The following LRPPRC variants were observed in gnomAD, a reference collection of about 807,000 sequenced individuals.
The protein encoded by LRPPRC is leucine rich pentatricopeptide repeat containing, also known as leucine-rich PPR motif-containing protein, mitochondrial.
In LRPPRC, 120 loss-of-function variants were observed where a neutral mutation model predicts 180.3. The observed-to-expected ratio is 0.67, with a 90% CI of 0.57 to 0.77. The LOEUF is 0.77. Ranked by LOEUF, LRPPRC falls within the 30% of genes least tolerant of loss-of-function variation. LRPPRC has a pLI of 0.00. For missense variants in LRPPRC, 2,012 were observed against 1,657.2 expected (o/e 1.21, Z -3.72); for synonymous variants, 723 against 600.0 (o/e 1.21, Z -3.00).
intron 8 of LRPPRC, 41 bp from the exon 9 acceptor site, chr2:43,974,336 C>A: frequency 6.8e-7 from 1 of 1,478,462 alleles, no homozygotes; most frequent in Non-Finnish European, 9.5e-7. Flanking sequence ...ATAAACTGAA[C>A]AATATTTTTA....
Position 43,974,197 on chromosome 2 carries a change from T to C in LRPPRC, c.1108A>G (p.Ser370Gly). The C allele has an allele frequency of 6.2e-7, 1 of 1,613,422 alleles. No individual in the cohort carries two copies. The highest frequency in any genetic ancestry group is 8.5e-7 in the Non-Finnish European group (1 of 1,179,316). The change falls in exon 9 of 38, where the codon AGT (serine) becomes GGT (glycine). Residue 370 changes from serine to glycine, a missense_variant. Transcript: ENST00000260665. ...TGTAAAAAGAAACTGCCAAAGACAC[T>C]TGGGCCATCTTCCTTTGATACGGGG... The part of the protein sequence containing the change: ...ACPVSKEDGP[S>G]VFGSFFLQHC...
Position 43,930,386 on chromosome 2 carries a change from T to C in LRPPRC, c.2736+3804A>G, listed in dbSNP as rs118069346. Among the ~76,000 whole-genome samples, 122 of 152,308 alleles carry C rather than the reference T, an allele frequency of 8.0e-4. 2 individuals are homozygous for C. The East Asian group carries it at 0.017, about 21-fold the overall frequency. ...ACTCAGGGCCTGGTTTCAAATTCCG[T>C]AACTACTATACGTTGAGTATCCCTT... On this transcript the variant is annotated intron_variant, in intron 25 of 37. Transcript: ENST00000260665.
intron 30 of LRPPRC, among the ~76,000 whole-genome samples, chr2:43,906,029 T>A (rs1296916699): frequency 6.6e-6 from 1 of 152,184 alleles, no homozygotes; most frequent in African/African-American, 2.4e-5. Flanking sequence ...AGATTTTTTT[T>A]AAACAATCGG....
intron 37 of LRPPRC, among the ~76,000 whole-genome samples, chr2:43,889,140 C>T (rs1402548114): frequency 6.6e-6 from 1 of 151,808 alleles, no homozygotes; most frequent in Non-Finnish European, 1.5e-5. Flanking sequence ...CATGGTGAAA[C>T]CCCATCTGTA....
intron 3 of LRPPRC, among the ~76,000 whole-genome samples, chr2:43,979,355 A>G (rs570320864): frequency 1.4e-3 from 208 of 152,130 alleles, no homozygotes; most frequent in Non-Finnish European, 1.7e-3. Flanking sequence ...GAGCTTCTTC[A>G]TTTCTTAAAA....
intron 14 of LRPPRC, 81 bp downstream of exon 14, chr2:43,957,304 T>C: frequency 2.2e-6 from 2 of 925,336 alleles, no homozygotes; most frequent in Non-Finnish European, 3.6e-6. Context: ...AATATTTGTA[T>C]TTTTCCTCAT....
intron 25 of LRPPRC, among the ~76,000 whole-genome samples, chr2:43,931,904 C>A (rs1257041102): frequency 6.6e-6 from 1 of 151,874 alleles, no homozygotes; most frequent in Non-Finnish European, 1.5e-5. Flanking sequence ...CCTTCCTTTC[C>A]TTCTCAGTCT....
At chr2:43,905,209 T>C (rs900204904) in intron 31 of LRPPRC, among the ~76,000 whole-genome samples, 1 of 152,258 alleles carries the variant, frequency 6.6e-6, no homozygotes, top group African/African-American at 2.4e-5. Flanking sequence ...ATCAATATTA[T>C]AATCATTTGG....
chr2:43,994,630 T>C (rs959477339), intron 1 of LRPPRC, among the ~76,000 whole-genome samples: 3 of 152,180 alleles, frequency 2.0e-5, no homozygotes, highest in Admixed American at 6.5e-5. Flanking sequence ...TGCAGATCCC[T>C]GGCTCTCAGT....
At chr2:43,908,499 T>C (rs967927770) in intron 30 of LRPPRC, among the ~76,000 whole-genome samples, 4 of 152,080 alleles carry the variant, frequency 2.6e-5, no homozygotes, top group African/African-American at 9.7e-5. Flanking sequence ...AAAGGCAAAA[T>C]AAAAATGATA....
intron 13 of LRPPRC, chr2:43,959,348 T>C: frequency 3.3e-6 from 2 of 602,456 alleles, no homozygotes; most frequent in Non-Finnish European, 6.0e-6. Flanking sequence ...GCCTTTCCCT[T>C]ACAATATTAC....
chr2:43,915,232 TCACACACACACACACA>T lies in LRPPRC; in HGVS notation c.3149-2690_3149-2675del, dbSNP rs375631611. Among the ~76,000 whole-genome samples the T allele has an allele frequency of 1.8e-3, 93 of 51,844 alleles. 2 individuals are homozygous for T. The highest frequency in any genetic ancestry group is 5.8e-3 in the African/African-American group (67 of 11,584). 34.0% of individuals were successfully genotyped at this position (51,844 alleles called of 152,430 possible). On this transcript the variant is annotated intron_variant, in intron 29 of 37. Transcript: ENST00000260665. The stretch of plus-strand genomic sequence containing the variant: ...CTCTCTCTCTCTCTCTCTCTCTCTC[TCACACACACACACACA>T]CACACACACACACACACACACACAC...
chr2:43,971,485 T>TAAAAAAAAAAAAAAAAA (rs528659622), intron 11 of LRPPRC, among the ~76,000 whole-genome samples: 29 of 62,366 alleles, frequency 4.6e-4, no homozygotes, highest in Middle Eastern at 0.019. Context: ...TGTGTCACAG[T>TAAAAAAAAAAAAAAAAA]AAAAAAAAAA....
chr2:43,924,281 C>G (rs1290199488), intron 27 of LRPPRC, among the ~76,000 whole-genome samples: 1 of 152,006 alleles, frequency 6.6e-6, no homozygotes, highest in Non-Finnish European at 1.5e-5. Context: ...CCGAAATATC[C>G]TAAAAGAAAC....
chr2:43,967,828 T>C (rs1673629583), intron 11 of LRPPRC, among the ~76,000 whole-genome samples: 1 of 152,196 alleles, frequency 6.6e-6, no homozygotes, highest in South Asian at 2.1e-4. Context: ...ATTTAAACTA[T>C]TCCTCTAATA....
At chr2:43,906,858 T>C (rs1671082636) in intron 30 of LRPPRC, among the ~76,000 whole-genome samples, 1 of 152,186 alleles carries the variant, frequency 6.6e-6, no homozygotes, top group South Asian at 2.1e-4. Context: ...CAGGATTTTC[T>C]TATTCCTCCG....
intron 6 of LRPPRC, among the ~76,000 whole-genome samples, chr2:43,975,551 A>C (rs1250665221): frequency 6.6e-6 from 1 of 151,992 alleles, no homozygotes; most frequent in Non-Finnish European, 1.5e-5. Context: ...TTTCCAGAGC[A>C]GTTACTTCAG....
At chr2:43,964,941 G>A (rs542154305) in intron 11 of LRPPRC, among the ~76,000 whole-genome samples, 16 of 152,256 alleles carry the variant, frequency 1.1e-4, no homozygotes, top group Admixed American at 5.2e-4. Flanking sequence ...AGCTATTCAC[G>A]AGGCTGATGC....
chr2:43,948,562 G>C (rs757492425), intron 16 of LRPPRC, 44 bp from the exon 17 acceptor site: 3 of 923,446 alleles, frequency 3.2e-6, no homozygotes, highest in Non-Finnish European at 5.5e-6. Flanking sequence ...AAATTACCGA[G>C]ACTGTCATGT....
Sources: allele counts gnomAD v4.1 joint callset (sites outside exome capture counted in the v4.1 genomes callset), GRCh38; gene constraint gnomAD v4.1.1; transcripts MANE v1.5; gene names NCBI Gene and HGNC (gene_info 2026-07-23, HGNC 2026-07-21).